Variants in OLFM2 observed in about 807,000 individuals in gnomAD.
OLFM2 encodes noelin-2.
A neutral mutation model predicts 43.9 loss-of-function variants in OLFM2; 20 were observed. The observed-to-expected ratio is 0.46, with a 90% confidence interval of 0.32 to 0.66. The LOEUF (loss-of-function observed/expected upper bound fraction) is 0.66, where lower values mean the gene tolerates loss of function less well. Ranked by LOEUF, OLFM2 falls within the 30% of genes least tolerant of loss-of-function variation. The pLI is 0.04. For missense variants in OLFM2, 416 were observed against 643.6 expected (o/e 0.65, Z 3.83); for synonymous variants, 268 against 278.6 (o/e 0.96, Z 0.38).
intron 1 of OLFM2, among the ~76,000 whole-genome samples, chr19:9,909,987 C>A (rs553565718): frequency 6.6e-6 from 1 of 152,170 alleles, no homozygotes; most frequent in Non-Finnish European, 1.5e-5. Context: ...GTGCGCCACA[C>A]CTTAGGGTTC....
rs1442997024 is a variant in OLFM2, at chr19:9,936,470, T to A, written c.-104A>T. 1 of 822,982 alleles carries A rather than the reference T, an allele frequency of 1.2e-6. No homozygotes were observed. The highest frequency in any genetic ancestry group is 1.5e-6 in the Non-Finnish European group (1 of 683,826). 51.0% of individuals were successfully genotyped at this position (822,982 alleles called of 1,614,324 possible). ...CCCGCCCGCCCGGCCGGGGCGACCC[T>A]GCGCCGCCGCCTCCCCCGCCTCGCC... On this transcript the variant is annotated 5_prime_UTR_variant, in exon 1 of 6. Transcript: ENST00000264833.
chr19:9,857,218 G>A lies in OLFM2; in HGVS notation c.580+45C>T, dbSNP rs761642086. On this transcript the variant is annotated intron_variant, in intron 4 of 5. Coordinates refer to ENST00000264833, the MANE Select transcript of OLFM2 (RefSeq NM_058164.4). The surrounding 1 kb of genome is among the most constrained non-coding windows in gnomAD (Gnocchi z 5.7). ...CAAACAGGTGATACTGGAGTTGGGT[G>A]TGGCAGTCAGAGATCAGGGGTCAGG... The A allele has an allele frequency of 1.9e-6, 3 of 1,545,502 alleles. No individual in the cohort carries two copies. Among genetic ancestry groups the A allele is most frequent in the Non-Finnish European group, 2.7e-6 (3 of 1,120,708 alleles).
At chr19:9,865,271 G>A (rs991049728) in intron 1 of OLFM2, among the ~76,000 whole-genome samples, 14 of 150,480 alleles carry the variant, frequency 9.3e-5, no homozygotes, top group Admixed American at 6.6e-5. Flanking sequence ...CTTAAATAGT[G>A]ATTCCTCCCA....
chr19:9,898,940 T>A (rs763584455), intron 1 of OLFM2, among the ~76,000 whole-genome samples: 1 of 152,246 alleles, frequency 6.6e-6, no homozygotes, highest in Admixed American at 6.5e-5. Context: ...CTTTAAATAA[T>A]GTGAATCAGA....
At chr19:9,855,676 A>G (rs570800339) in intron 5 of OLFM2, among the ~76,000 whole-genome samples, 111 of 152,164 alleles carry the variant, frequency 7.3e-4, no homozygotes, top group African/African-American at 2.6e-3. Context: ...CAGGGACTAC[A>G]GGCACAAGTC....
chr19:9,854,095 G>T lies in OLFM2; in HGVS notation c.*91C>A, dbSNP rs561507303. The T allele has an allele frequency of 3.4e-6, 4 of 1,173,600 alleles. No individual in the cohort carries two copies. The highest frequency in any genetic ancestry group is 2.5e-5 in the East Asian group (1 of 40,248). 72.7% of individuals were successfully genotyped at this position (1,173,600 alleles called of 1,614,324 possible). A position where few individuals can be genotyped will look rare whatever the true frequency, so the allele number is the denominator to read the frequency against. On this transcript the variant is annotated 3_prime_UTR_variant, in exon 6 of 6. Transcript: ENST00000264833. The surrounding 1 kb of genome is among the most constrained non-coding windows in gnomAD (Gnocchi z 9.5). ...GGGGAGAAAGGGCGTGACAGAGACA[G>T]AGAGATCACCCTTGAGGGACACAGG...
chr19:9,926,000 G>A (rs2086450261), intron 1 of OLFM2, among the ~76,000 whole-genome samples: 1 of 151,810 alleles, frequency 6.6e-6, no homozygotes. Flanking sequence ...AGCCAGCCGT[G>A]GTGGCATGCA....
At chr19:9,918,409 C>G (rs549364999) in intron 1 of OLFM2, among the ~76,000 whole-genome samples, 1 of 151,890 alleles carries the variant, frequency 6.6e-6, no homozygotes, top group African/African-American at 2.4e-5. Flanking sequence ...CCGGGCTGGT[C>G]TCAAACTCTT....
chr19:9,874,501 G>A (rs1377529109), intron 1 of OLFM2, among the ~76,000 whole-genome samples: 1 of 151,688 alleles, frequency 6.6e-6, no homozygotes, highest in Non-Finnish European at 1.5e-5. Context: ...TTATTTTTGA[G>A]ATAGAGTCTC....
chr19:9,904,923 G>T (rs563843251), intron 1 of OLFM2, among the ~76,000 whole-genome samples: 1 of 152,238 alleles, frequency 6.6e-6, no homozygotes, highest in African/African-American at 2.4e-5. Context: ...GGAGGCTCAG[G>T]CAGGAGGATC....
chr19:9,888,101 G>A (rs540141180), intron 1 of OLFM2, among the ~76,000 whole-genome samples: 1 of 152,140 alleles, frequency 6.6e-6, no homozygotes, highest in South Asian at 2.1e-4. Flanking sequence ...CTCTGTTCCA[G>A]CCACACTGTT....
intron 1 of OLFM2, among the ~76,000 whole-genome samples, chr19:9,864,691 A>G (rs2046386872): frequency 6.0e-5 from 9 of 150,054 alleles, no homozygotes; most frequent in Admixed American, 6.0e-4. Context: ...GTGCAATCCT[A>G]GCTTACTGCA....
intron 1 of OLFM2, among the ~76,000 whole-genome samples, chr19:9,886,227 CAG>C (rs1335704077): frequency 2.6e-5 from 4 of 152,104 alleles, no homozygotes; most frequent in African/African-American, 9.6e-5. Context: ...TTTTTTGAGA[CAG>C]AGTTTCGCTC....
chr19:9,878,381 C>CTTT lies in OLFM2; in HGVS notation c.64-17590_64-17588dup, dbSNP rs34231833. On this transcript the variant is annotated intron_variant, in intron 1 of 5. Coordinates refer to ENST00000264833, the MANE Select transcript of OLFM2 (RefSeq NM_058164.4). ...CTCTGAGCCTCAGTTTCATTTCTCT[C>CTTT]TTTTTTTTTTTTTTTTTTTTTTTTT... Among the ~76,000 whole-genome samples, 286 of 57,680 alleles carry CTTT rather than the reference C, an allele frequency of 5.0e-3. 1 individual carries two copies. The highest frequency in any genetic ancestry group is 7.3e-3 in the African/African-American group (116 of 15,792). The allele number at this position is 57,680 out of a possible 152,430, so 37.8% of individuals were successfully genotyped here.
intron 1 of OLFM2, among the ~76,000 whole-genome samples, chr19:9,899,237 C>G (rs909632785): frequency 6.6e-6 from 1 of 151,710 alleles, no homozygotes; most frequent in Admixed American, 6.6e-5. Flanking sequence ...TGCACTCCAG[C>G]CTGGGCAACA....
At chr19:9,867,794 A>C (rs1162811397) in intron 1 of OLFM2, among the ~76,000 whole-genome samples, 1 of 152,220 alleles carries the variant, frequency 6.6e-6, no homozygotes, top group Non-Finnish European at 1.5e-5. Context: ...CAGCCCATGG[A>C]AACTTTGTGG....
At chr19:9,888,794 C>T (rs937253172) in intron 1 of OLFM2, among the ~76,000 whole-genome samples, 8 of 152,090 alleles carry the variant, frequency 5.3e-5, no homozygotes, top group Non-Finnish European at 8.8e-5. Context: ...CTGCCGGGCA[C>T]GGTGGCTCAC....
At position 9,854,729 on chromosome 19, in the gene OLFM2, G is replaced by T; in HGVS notation, c.822C>A (p.Tyr274Ter). The T allele has an allele frequency of 1.9e-6, 3 of 1,614,160 alleles. No individual in the cohort carries two copies. Among genetic ancestry groups the T allele is most frequent in the Non-Finnish European group, 2.5e-6 (3 of 1,179,996 alleles). The change falls in exon 6 of 6, where the codon TAC becomes TAA. Residue 274 changes from tyrosine (Y) to a stop codon, truncating the protein, a stop_gained. Transcript: ENST00000264833. LOFTEE classifies it high-confidence loss of function. The surrounding 1 kb of genome is among the most constrained non-coding windows in gnomAD (Gnocchi z 9.5). ...ACTTGTTATAGAACAGGGAGCCGTT[G>T]TACACCACGTGGCCCGTGCCCGCCC... ...QPWAGTGHVVYNGSLFYNKYQ... is the reference protein window; with the variant it reads ...QPWAGTGHVV
At chr19:9,908,926 G>A (rs1002196173) in intron 1 of OLFM2, among the ~76,000 whole-genome samples, 16 of 152,012 alleles carry the variant, frequency 1.1e-4, no homozygotes, top group Admixed American at 3.3e-4. Context: ...GGCTGGTCTC[G>A]AACTCCTGGC....
Sources: allele counts gnomAD v4.1 joint callset (sites outside exome capture counted in the v4.1 genomes callset), GRCh38; gene constraint gnomAD v4.1.1; non-coding constraint Gnocchi (gnomAD v3.1); transcripts MANE v1.5; gene names NCBI Gene and HGNC (gene_info 2026-07-23, HGNC 2026-07-21).